Variants in BMERB1 observed in about 807,000 individuals in gnomAD.
BMERB1 encodes the protein bMERB domain containing 1.
BMERB1 carries 12 observed loss-of-function variants against 23.6 expected under a neutral mutation model. The observed-to-expected ratio is 0.51, with a 90% CI of 0.33 to 0.82. The LOEUF (loss-of-function observed/expected upper bound fraction) is 0.82, where lower values mean the gene tolerates loss of function less well. BMERB1 is among the 40% of genes least tolerant of loss of function. The probability of loss-of-function intolerance (pLI) is 0.03; values close to 1 mark genes in which losing one functional copy is unlikely to be tolerated. For missense variants in BMERB1, 247 were observed against 255.4 expected (o/e 0.97, Z 0.22); for synonymous variants, 122 against 96.6 (o/e 1.26, Z -1.54).
chr16:15,446,194 C>A lies in BMERB1; in HGVS notation c.106+11435C>A, dbSNP rs141134457. ...TGGCTTGAGCCCAGGAGTTCAAGAC[C>A]AGCCTGGGCAACATAGCAAGTCCTC... On this transcript the variant is annotated intron_variant, in intron 1 of 5. Coordinates refer to ENST00000300006, the MANE Select transcript of BMERB1 (RefSeq NM_033201.3). Among the ~76,000 whole-genome samples, 316 of 152,070 alleles carry A rather than the reference C, an allele frequency of 2.1e-3. 2 individuals are homozygous for A. Among genetic ancestry groups the A allele is most frequent in the African/African-American group, 7.1e-3 (296 of 41,496 alleles).
chr16:15,473,783 A>G (rs961354795), intron 1 of BMERB1, among the ~76,000 whole-genome samples: 2 of 152,100 alleles, frequency 1.3e-5, no homozygotes, highest in African/African-American at 4.8e-5. Context: ...CCATGGTTTC[A>G]AAGGAGAACT....
chr16:15,526,359 A>G (rs946301074), intron 2 of BMERB1, among the ~76,000 whole-genome samples: 13 of 152,158 alleles, frequency 8.5e-5, no homozygotes, highest in African/African-American at 1.7e-4. Flanking sequence ...AGGTTTATAT[A>G]AAGTGTATAA....
rs575967123 is a variant in BMERB1, at chr16:15,530,373, C to T, written c.230+14945C>T. ...CCAGGATGATCTCCCCATCTCAGGA[C>T]CCCTTAATTTAATCACATCTGCAAA... On this transcript the variant is annotated intron_variant, in intron 2 of 5. Coordinates refer to ENST00000300006, the MANE Select transcript of BMERB1 (RefSeq NM_033201.3). 4.6e-4 allele frequency among the ~76,000 whole-genome samples: 70 copies of T among 152,214 alleles called. 1 individual carries two copies. Among genetic ancestry groups the T allele is most frequent in the African/African-American group, 1.6e-3 (66 of 41,542 alleles).
chr16:15,586,492 A>AGCTGAGCATTTTAT (rs1441659151), intron 5 of BMERB1, among the ~76,000 whole-genome samples: 1 of 152,192 alleles, frequency 6.6e-6, no homozygotes, highest in Non-Finnish European at 1.5e-5. Flanking sequence ...TAGGGTTGGA[A>AGCTGAGCATTTTAT]GCTGAGCATT....
At chr16:15,583,041 T>C in intron 4 of BMERB1, 115 bp from the exon 5 acceptor site, 1 of 796,024 alleles carries the variant, frequency 1.3e-6, no homozygotes, top group Non-Finnish European at 2.2e-6. Context: ...CGTGACAACA[T>C]ACATGCCCCA....
At chr16:15,494,376 A>G (rs1392112462) in intron 1 of BMERB1, among the ~76,000 whole-genome samples, 2 of 152,076 alleles carry the variant, frequency 1.3e-5, no homozygotes, top group African/African-American at 2.4e-5. Flanking sequence ...ATATGACAGC[A>G]TGGTTTGGTG....
chr16:15,538,943 A>G (rs1048949828), intron 2 of BMERB1, among the ~76,000 whole-genome samples: 2 of 151,886 alleles, frequency 1.3e-5, no homozygotes, highest in Non-Finnish European at 2.9e-5. Flanking sequence ...GCGATCCCCA[A>G]CCTCTTTGGC....
intron 2 of BMERB1, among the ~76,000 whole-genome samples, chr16:15,565,891 A>T (rs774715320): frequency 6.6e-6 from 1 of 152,204 alleles, no homozygotes; most frequent in Non-Finnish European, 1.5e-5. Flanking sequence ...CGCAGAGTGA[A>T]TGTGAACCTG....
intron 1 of BMERB1, among the ~76,000 whole-genome samples, chr16:15,457,282 A>G (rs2051094403): frequency 6.6e-6 from 1 of 152,226 alleles, no homozygotes; most frequent in South Asian, 2.1e-4. Flanking sequence ...AAATATCGTA[A>G]TTCAAATGAT....
chr16:15,529,730 C>G (rs535260910), intron 2 of BMERB1, among the ~76,000 whole-genome samples: 2 of 152,246 alleles, frequency 1.3e-5, no homozygotes, highest in African/African-American at 4.8e-5. Context: ...CACATAATCT[C>G]AAGGGTTCCC....
At position 15,451,552 on chromosome 16, in the gene BMERB1, C is replaced by CTTTTTTT. The variant is rs35544766; in HGVS notation, c.106+16811_106+16817dup. On this transcript the variant is annotated intron_variant, in intron 1 of 5. Transcript: ENST00000300006. Reference sequence around the variant, plus strand: ...ACATACTGGGTCACTCTTAGTATTTCTTTTTTTTTTTTTTTTTTTTTTTTG... The same window carrying CTTTTTTT: ...ACATACTGGGTCACTCTTAGTATTTCTTTTTTTTTTTTTTTTTTTTTTTTTTTTTTTG... 1.8e-4 allele frequency among the ~76,000 whole-genome samples: 15 copies of CTTTTTTT among 84,022 alleles called. 1 individual carries two copies. Among genetic ancestry groups the CTTTTTTT allele is most frequent in the Non-Finnish European group, 2.3e-4 (10 of 43,140 alleles). The allele number at this position is 84,022 out of a possible 152,430, so 55.1% of individuals were successfully genotyped here.
intron 1 of BMERB1, among the ~76,000 whole-genome samples, chr16:15,483,174 A>G (rs2051338526): frequency 1.3e-5 from 2 of 152,192 alleles, no homozygotes; most frequent in African/African-American, 2.4e-5. Flanking sequence ...ACTAGTCCAT[A>G]TGGCCAAACA....
At chr16:15,585,765 G>C (rs1339974359) in intron 5 of BMERB1, among the ~76,000 whole-genome samples, 1 of 152,064 alleles carries the variant, frequency 6.6e-6, no homozygotes, top group Non-Finnish European at 1.5e-5. Context: ...GGATGCGGAG[G>C]TTGCAGTGAG....
At chr16:15,455,016 C>T (rs1405730740) in intron 1 of BMERB1, among the ~76,000 whole-genome samples, 1 of 151,936 alleles carries the variant, frequency 6.6e-6, no homozygotes, top group Admixed American at 6.6e-5. Flanking sequence ...ACAGAGAAAG[C>T]TGAAATGAAG....
intron 2 of BMERB1, among the ~76,000 whole-genome samples, chr16:15,521,628 T>G (rs1353131834): frequency 6.6e-6 from 1 of 152,112 alleles, no homozygotes; most frequent in Non-Finnish European, 1.5e-5. Context: ...ACTCTGAATT[T>G]CCAGTGTGTG....
chr16:15,484,579 T>G (rs2051352216), intron 1 of BMERB1, among the ~76,000 whole-genome samples: 1 of 152,162 alleles, frequency 6.6e-6, no homozygotes, highest in Admixed American at 6.5e-5. Context: ...TTTTTGTATT[T>G]TTAGTAGAGA....
At chr16:15,452,103 G>A (rs557735183) in intron 1 of BMERB1, among the ~76,000 whole-genome samples, 3 of 151,812 alleles carry the variant, frequency 2.0e-5, no homozygotes, top group African/African-American at 4.8e-5. Flanking sequence ...AACACAGGGA[G>A]ATCCCATCTC....
chr16:15,547,452 C>T (rs1443142140), intron 2 of BMERB1, among the ~76,000 whole-genome samples: 3 of 151,864 alleles, frequency 2.0e-5, no homozygotes, highest in Non-Finnish European at 2.9e-5. Flanking sequence ...AGCGATTCTC[C>T]TGCTGCAGCC....
chr16:15,503,830 T>C (rs1343921900), intron 1 of BMERB1, among the ~76,000 whole-genome samples: 2 of 152,176 alleles, frequency 1.3e-5, no homozygotes, highest in Admixed American at 1.3e-4. Context: ...CTTAAGCCAA[T>C]GACCCCTGCA....
Sources: allele counts gnomAD v4.1 joint callset (sites outside exome capture counted in the v4.1 genomes callset), GRCh38; gene constraint gnomAD v4.1.1; transcripts MANE v1.5; gene names NCBI Gene and HGNC (gene_info 2026-07-23, HGNC 2026-07-21).